The following RECK variants were observed in gnomAD, a reference collection of about 807,000 sequenced individuals.
RECK encodes the protein reversion inducing cysteine rich protein with kazal motifs, also known as reversion-inducing cysteine-rich protein with Kazal motifs.
A neutral mutation model predicts 115.1 loss-of-function variants in RECK; 69 were observed. The ratio of observed to expected loss-of-function variants is 0.60; its 90% confidence interval spans 0.49 to 0.73. The LOEUF is 0.73. RECK is among the 30% of genes least tolerant of loss of function. The pLI, the probability that RECK is intolerant of heterozygous loss-of-function variation, is 0.00. For synonymous variants in RECK, 414 were observed against 419.7 expected (o/e 0.99, Z 0.17); for missense variants, 1,047 against 1,203.7 (o/e 0.87, Z 1.93).
chr9:36,079,947 G>A lies in RECK; in HGVS notation c.406-658G>A, dbSNP rs55823618. Among the ~76,000 whole-genome samples, 1,337 of 152,102 alleles carry A rather than the reference G, an allele frequency of 8.8e-3. 20 individuals are homozygous for A. Among genetic ancestry groups the A allele is most frequent in the African/African-American group, 0.031 (1,277 of 41,480 alleles). ...AGACACTAATTATAGTCTCAAACTC[G>A]CTTTTGACTTTTTCTATTACCTGGG... On this transcript the variant is annotated intron_variant, in intron 6 of 20. Transcript: ENST00000377966.
chr9:36,072,037 AATAT>A (rs1262769247), intron 6 of RECK, among the ~76,000 whole-genome samples: 1 of 152,090 alleles, frequency 6.6e-6, no homozygotes, highest in Admixed American at 6.6e-5. Flanking sequence ...TATAAAAGTA[AATAT>A]ATATATGTAT....
chr9:36,084,840 A>T (rs1250728620), intron 8 of RECK, among the ~76,000 whole-genome samples: 1 of 152,086 alleles, frequency 6.6e-6, no homozygotes, highest in Non-Finnish European at 1.5e-5. Context: ...GGATTGCCTG[A>T]GGTCAAAAGT....
At chr9:36,049,701 G>T (rs949418520) in intron 1 of RECK, among the ~76,000 whole-genome samples, 7 of 152,142 alleles carry the variant, frequency 4.6e-5, no homozygotes, top group Admixed American at 4.6e-4. Context: ...CTCCCTCCCA[G>T]GAACCAGGGA....
rs376361312 is a variant in RECK at position 36,107,623 on chromosome 9, AT to A, written c.1577-352del. 1.3e-3 allele frequency among the ~76,000 whole-genome samples: 191 copies of A among 151,230 alleles called. 3 individuals carry two copies. The South Asian group carries it at 0.023, about 19-fold the overall frequency. The stretch of plus-strand genomic sequence containing the variant: ...CCGTCTCAAAAAAAAAAAAAAAAAA[AT>A]ACTGTTAGTTTCCCTATTCTATTTT... On this transcript the variant is annotated intron_variant, in intron 13 of 20. Coordinates refer to ENST00000377966, the MANE Select transcript of RECK (RefSeq NM_021111.3).
At chr9:36,048,963 C>T (rs1821179863) in intron 1 of RECK, among the ~76,000 whole-genome samples, 1 of 152,176 alleles carries the variant, frequency 6.6e-6, no homozygotes, top group Non-Finnish European at 1.5e-5. Flanking sequence ...GGCTATAAAT[C>T]CACGGTTCCC....
At chr9:36,061,915 A>C (rs1018897033) in intron 4 of RECK, among the ~76,000 whole-genome samples, 2 of 152,170 alleles carry the variant, frequency 1.3e-5, no homozygotes, top group African/African-American at 4.8e-5. Flanking sequence ...TTTTTAGCAG[A>C]ATGCTTCTAT....
At chr9:36,106,209 CAA>C (rs76229325) in intron 13 of RECK, among the ~76,000 whole-genome samples, 13 of 54,780 alleles carry the variant, frequency 2.4e-4, no homozygotes, top group Admixed American at 2.1e-4. Flanking sequence ...GACTCCGTCT[CAA>C]AAAAAAAAAA....
intron 1 of RECK, among the ~76,000 whole-genome samples, chr9:36,038,761 A>G (rs1354032078): frequency 1.3e-5 from 2 of 152,144 alleles, no homozygotes; most frequent in East Asian, 1.9e-4. Context: ...AACACATTAG[A>G]TTCACAATAA....
In RECK at chr9:36,123,668, T is replaced by C. The variant is rs1824541937; in HGVS notation, c.*623T>C. 6.6e-6 allele frequency: 1 copy of C among 152,270 alleles called. No individual in the cohort carries two copies. Among genetic ancestry groups the C allele is most frequent in the African/African-American group, 2.4e-5 (1 of 41,464 alleles). The allele number at this position is 152,270 out of a possible 1,614,324, so 9.4% of individuals were successfully genotyped here. ...AAGCAAGCTGATTAAATGACACTCA[T>C]ATAATTATATGTTGTAAGCAACAGG... On this transcript the variant is annotated 3_prime_UTR_variant, in exon 21 of 21. Coordinates refer to ENST00000377966, the MANE Select transcript of RECK (RefSeq NM_021111.3).
chr9:36,070,731 T>TAC (rs1234199176), intron 6 of RECK, among the ~76,000 whole-genome samples: 1 of 152,226 alleles, frequency 6.6e-6, no homozygotes, highest in African/African-American at 2.4e-5. Flanking sequence ...TCCAACTCTG[T>TAC]AGCTCTCTTA....
chr9:36,055,758 A>G (rs1821498436), intron 2 of RECK, among the ~76,000 whole-genome samples: 1 of 151,882 alleles, frequency 6.6e-6, no homozygotes, highest in Non-Finnish European at 1.5e-5. Context: ...TCAGTTCTAT[A>G]TTCTTTCCAT....
intron 1 of RECK, among the ~76,000 whole-genome samples, chr9:36,039,971 C>A (rs1436403259): frequency 6.6e-6 from 1 of 152,172 alleles, no homozygotes; most frequent in Non-Finnish European, 1.5e-5. Flanking sequence ...ATTAATAATA[C>A]TTTTCACTGT....
chr9:36,067,789 A>G (rs1822066832), intron 6 of RECK, among the ~76,000 whole-genome samples: 1 of 152,214 alleles, frequency 6.6e-6, no homozygotes, highest in Non-Finnish European at 1.5e-5. Flanking sequence ...ATTAAAATAT[A>G]TACTGCACAC....
At chr9:36,058,805 C>G in intron 2 of RECK, 22 bp from the exon 3 acceptor site, 1 of 1,235,204 alleles carries the variant, frequency 8.1e-7, no homozygotes, top group South Asian at 1.4e-5. Context: ...GCCACAAAAA[C>G]TTTTTTTTTT....
chr9:36,122,150 G>C (rs1208006139), intron 20 of RECK, among the ~76,000 whole-genome samples: 1 of 152,196 alleles, frequency 6.6e-6, no homozygotes, highest in East Asian at 1.9e-4. Context: ...GTGGGCTCTA[G>C]TGTTTCTTTG....
intron 1 of RECK, among the ~76,000 whole-genome samples, chr9:36,047,326 C>T (rs971419789): frequency 1.3e-5 from 2 of 151,992 alleles, no homozygotes; most frequent in African/African-American, 2.4e-5. Context: ...AAGAAAGCGT[C>T]GGCCAGGTGT....
chr9:36,042,067 C>CT (rs35001556), intron 1 of RECK, among the ~76,000 whole-genome samples: 21,855 of 147,988 alleles, frequency 0.15, 3,084 homozygotes, highest in African/African-American at 0.36. Context: ...GATATTACTA[C>CT]TTTTTTTTTT....
At chr9:36,082,188 C>CTCTCTCTCTCTCTCTA (rs1401784584) in intron 7 of RECK, among the ~76,000 whole-genome samples, 1 of 146,512 alleles carries the variant, frequency 6.8e-6, no homozygotes, top group Non-Finnish European at 1.5e-5. Flanking sequence ...CTCTCTCTCT[C>CTCTCTCTCTCTCTCTA]CTTTTTTCTT....
intron 6 of RECK, among the ~76,000 whole-genome samples, chr9:36,077,771 G>A (rs557529682): frequency 1.2e-4 from 19 of 152,182 alleles, no homozygotes; most frequent in Non-Finnish European, 4.4e-5. Context: ...GACATCAAGG[G>A]AAGCAACTGT....
Sources: gnomAD v4.1 joint callset for allele counts (sites outside exome capture counted in the v4.1 genomes callset) on GRCh38, gnomAD v4.1.1 for gene constraint, MANE v1.5 for transcripts, NCBI Gene and HGNC (gene_info 2026-07-23, HGNC 2026-07-21) for gene names.